Variants in UTRN observed in about 807,000 individuals in gnomAD.
UTRN encodes the protein utrophin, also known as dystrophin-related protein 1.
In UTRN, 283 loss-of-function variants were observed where a neutral mutation model predicts 463.9. The ratio of observed to expected loss-of-function variants is 0.61; its 90% CI spans 0.55 to 0.67. The LOEUF is 0.67. Ranked by LOEUF, UTRN falls within the 30% of genes least tolerant of loss-of-function variation. The pLI, the probability that UTRN is intolerant of heterozygous loss-of-function variation, is 0.00. For synonymous variants in UTRN, 1,442 were observed against 1,431.5 expected, an observed-to-expected ratio of 1.01 and a Z score of -0.17; for missense variants, 3,922 against 4,084.3, an observed-to-expected ratio of 0.96 and a Z score of 1.08.
chr6:144,797,798 T>C (rs1777359652), intron 63 of UTRN, 26 bp from the exon 64 acceptor site: 2 of 1,609,038 alleles, frequency 1.2e-6, no homozygotes, highest in Non-Finnish European at 1.7e-6. Context: ...ATTTCTTCAC[T>C]TTTAATATAT....
rs1584985887 is a variant in UTRN at position 144,488,681 on chromosome 6, C to T, written c.3981C>T (p.Ser1327=). 1 of 1,612,124 alleles carries T rather than the reference C, an allele frequency of 6.2e-7. No individual in the cohort carries two copies. Among genetic ancestry groups the T allele is most frequent in the South Asian group, 1.1e-5 (1 of 90,692 alleles). The change falls in exon 30 of 75, where the codon AGC becomes AGT. Residue 1327 remains serine (S), a synonymous_variant. Coordinates refer to ENST00000367545, the MANE Select transcript of UTRN (RefSeq NM_007124.3). The part of the protein sequence containing the change: ...RYEDLSHLAE[S]KQISLEKQLQ... ...ATTTCTCCTTTGTGCAGGCAGAGAGCAAGCAGATTTCTTTGGAAAAGCAAC... is the reference window on the plus strand; with the variant it reads ...ATTTCTCCTTTGTGCAGGCAGAGAGTAAGCAGATTTCTTTGGAAAAGCAAC...
intron 23 of UTRN, among the ~76,000 whole-genome samples, chr6:144,468,688 G>A (rs1007101099): frequency 1.5e-4 from 23 of 152,218 alleles, no homozygotes; most frequent in African/African-American, 5.3e-4. Flanking sequence ...AAGCTTGTAA[G>A]TGCATCAGCT....
At chr6:144,667,048 C>T (rs1780482000) in intron 51 of UTRN, among the ~76,000 whole-genome samples, 1 of 150,686 alleles carries the variant, frequency 6.6e-6, no homozygotes. Context: ...CCTCCTCCTC[C>T]TTCTACTTCT....
chr6:144,837,522 C>T (rs1325619719), intron 71 of UTRN, among the ~76,000 whole-genome samples: 3 of 152,218 alleles, frequency 2.0e-5, no homozygotes, highest in Non-Finnish European at 1.5e-5. Flanking sequence ...TGAAGAATCC[C>T]TGACATCAAC....
At chr6:144,308,671 C>T (rs1251650468) in intron 2 of UTRN, among the ~76,000 whole-genome samples, 1 of 152,124 alleles carries the variant, frequency 6.6e-6, no homozygotes, top group Non-Finnish European at 1.5e-5. Context: ...CATCTATCCT[C>T]AACCAGAACC....
intron 53 of UTRN, among the ~76,000 whole-genome samples, chr6:144,728,008 G>A (rs1460929651): frequency 6.6e-6 from 1 of 150,882 alleles, no homozygotes; most frequent in East Asian, 2.0e-4. Context: ...GCTGAGGCAG[G>A]AGAATCACTT....
intron 73 of UTRN, among the ~76,000 whole-genome samples, chr6:144,843,738 T>C (rs535461903): frequency 3.3e-5 from 5 of 152,318 alleles, no homozygotes; most frequent in African/African-American, 1.2e-4. Context: ...TAATGTTTAT[T>C]AAGCTTGAGT....
chr6:144,542,684 A>G, intron 45 of UTRN, 111 bp from the exon 46 acceptor site: 2 of 1,091,450 alleles, frequency 1.8e-6, no homozygotes, highest in Non-Finnish European at 2.6e-6. Flanking sequence ...TTAGGTCGTT[A>G]GGGGAAGAAA....
Position 144,364,923 on chromosome 6 carries a change from T to C in UTRN, c.80-38200T>C, listed in dbSNP as rs147825815. Among the ~76,000 whole-genome samples the C allele has an allele frequency of 9.0e-3, 1,370 of 152,320 alleles. 88 individuals carry two copies. Among genetic ancestry groups the C allele is most frequent in the Admixed American group, 0.08 (1,216 of 15,288 alleles). Reference sequence around the variant, plus strand: ...CTATTCAACTCTCTTCCTTTTCCACTTAGAAGGCCCCTTGTGATTTCACTG... The same window carrying C: ...CTATTCAACTCTCTTCCTTTTCCACCTAGAAGGCCCCTTGTGATTTCACTG... On this transcript the variant is annotated intron_variant, in intron 2 of 74. Transcript: ENST00000367545.
At chr6:144,393,894 C>T (rs1029526649) in intron 2 of UTRN, among the ~76,000 whole-genome samples, 8 of 152,144 alleles carry the variant, frequency 5.3e-5, no homozygotes, top group African/African-American at 1.9e-4. Context: ...GCTGGAGACA[C>T]TTTCTCTTTG....
intron 55 of UTRN, among the ~76,000 whole-genome samples, chr6:144,751,555 T>TC (rs1791397776): frequency 2.0e-5 from 3 of 152,120 alleles, no homozygotes; most frequent in Admixed American, 1.3e-4. Flanking sequence ...GTCCCACATT[T>TC]CCCCATGGAA....
chr6:144,399,898 A>G (rs1016551232), intron 2 of UTRN, among the ~76,000 whole-genome samples: 13 of 152,224 alleles, frequency 8.5e-5, no homozygotes, highest in African/African-American at 3.1e-4. Context: ...TATCACAGAA[A>G]TAAAATCCCA....
intron 21 of UTRN, among the ~76,000 whole-genome samples, chr6:144,460,120 ATAGT>A (rs1166674341): frequency 6.6e-6 from 1 of 151,992 alleles, no homozygotes; most frequent in East Asian, 1.9e-4. Flanking sequence ...TTTCCTCAAA[ATAGT>A]TAAAGTTTTG....
intron 60 of UTRN, among the ~76,000 whole-genome samples, chr6:144,778,634 A>G (rs1018415659): frequency 2.1e-4 from 32 of 151,756 alleles, no homozygotes; most frequent in African/African-American, 7.7e-4. Flanking sequence ...TAATAATAAA[A>G]TAAAAAAATA....
chr6:144,660,141 GA>G (rs932641475), intron 51 of UTRN: 1 of 463,816 alleles, frequency 2.2e-6, no homozygotes, highest in African/African-American at 2.0e-5. Context: ...AGTATAGCCA[GA>G]AAAGATACGG....
At chr6:144,433,243 C>A (rs1786080427) in intron 9 of UTRN, among the ~76,000 whole-genome samples, 1 of 151,968 alleles carries the variant, frequency 6.6e-6, no homozygotes, top group Admixed American at 6.6e-5. Flanking sequence ...AGGGGCTCCT[C>A]ACTTCCCAGT....
chr6:144,476,520 G>A (rs940882300), intron 25 of UTRN, among the ~76,000 whole-genome samples: 1 of 152,164 alleles, frequency 6.6e-6, no homozygotes, highest in African/African-American at 2.4e-5. Flanking sequence ...TGTGTGAATT[G>A]TGGTGTCATT....
rs1362708247 is a variant in UTRN at position 144,754,761 on chromosome 6, C to G, written c.8397C>G (p.His2799Gln). 1.2e-6 allele frequency: 2 copies of G among 1,613,466 alleles called. No individual in the cohort carries two copies. The highest frequency in any genetic ancestry group is 1.1e-5 in the South Asian group (1 of 91,064). ...GCCTTAAACAGCTTCAGGAAGCCCA[C>G]AGAGATTTTGGACCATCCTCTCAGC... ...DDRLKQLQEA[H>Q]RDFGPSSQHF... Residue 2799 changes from histidine to glutamine, a missense_variant, in exon 57 of 75, where the codon CAC becomes CAG. By Grantham distance (24) the His-to-Gln change is conservative. Around this residue, in one of 3 missense-constraint regions of UTRN, gnomAD observed 1,309 missense variants for 1,452.6 expected, o/e 0.90. Coordinates refer to ENST00000367545, the MANE Select transcript of UTRN (RefSeq NM_007124.3).
intron 2 of UTRN, among the ~76,000 whole-genome samples, chr6:144,308,246 C>T (rs1477545413): frequency 6.6e-6 from 1 of 152,186 alleles, no homozygotes; most frequent in South Asian, 2.1e-4. Context: ...TCTAAGTTCT[C>T]TTTCTAGTGA....
Sources: gnomAD v4.1 joint callset for allele counts (sites outside exome capture counted in the v4.1 genomes callset) on GRCh38, gnomAD v4.1.1 for gene constraint, gnomAD v4.1.1 regional missense constraint, MANE v1.5 for transcripts, NCBI Gene and HGNC (gene_info 2026-07-23, HGNC 2026-07-21) for gene names.